NAALADL2: variants seen among roughly 807,000 people sequenced by gnomAD.
NAALADL2 encodes inactive N-acetylated-alpha-linked acidic dipeptidase-like protein 2.
A neutral mutation model predicts 87.2 loss-of-function variants in NAALADL2; 76 were observed. That is an observed-to-expected ratio of 0.87 (90% CI 0.72 to 1.05). The LOEUF (loss-of-function observed/expected upper bound fraction) is 1.05. Among genes scored for constraint, NAALADL2 ranks in the 50% least tolerant of loss-of-function variants. The pLI, the probability that NAALADL2 is intolerant of heterozygous loss-of-function variation, is 0.00. For missense variants in NAALADL2, 1,089 were observed against 945.8 expected (o/e 1.15, Z -1.99); for synonymous variants, 354 against 331.0 (o/e 1.07, Z -0.75).
intron 5 of NAALADL2, among the ~76,000 whole-genome samples, chr3:175,354,383 C>T (rs949733029): frequency 2.6e-5 from 4 of 152,100 alleles, no homozygotes; most frequent in South Asian, 2.1e-4. Context: ...TATAAACTTA[C>T]AACTGATAGC....
chr3:175,756,069 A>G (rs1747229892), intron 13 of NAALADL2, among the ~76,000 whole-genome samples: 1 of 152,160 alleles, frequency 6.6e-6, no homozygotes, highest in Non-Finnish European at 1.5e-5. Context: ...TTAAAAGATT[A>G]TGGTACCCAT....
At chr3:175,463,550 G>C in intron 7 of NAALADL2, 57 bp downstream of exon 7, 1 of 929,654 alleles carries the variant, frequency 1.1e-6, no homozygotes, top group Non-Finnish European at 1.6e-6. Flanking sequence ...ACAAGGAAAT[G>C]CTCTGTAATA....
chr3:175,592,341 C>T (rs192143214), intron 10 of NAALADL2, among the ~76,000 whole-genome samples: 1 of 134,696 alleles, frequency 7.4e-6, no homozygotes, highest in African/African-American at 3.0e-5. Context: ...TACTCTATTG[C>T]TGAGTTCAAT....
At chr3:175,672,069 T>C (rs12107747) in intron 11 of NAALADL2, among the ~76,000 whole-genome samples, 33,552 of 152,018 alleles carry the variant, frequency 0.22, 8,011 homozygotes, top group African/African-American at 0.6. Context: ...TGGAACACTG[T>C]TATTTCAGGA....
intron 5 of NAALADL2, among the ~76,000 whole-genome samples, chr3:175,343,230 T>C (rs1762747679): frequency 6.6e-6 from 1 of 152,064 alleles, no homozygotes; most frequent in South Asian, 2.1e-4. Context: ...TGGTAATTTT[T>C]CTTAACAAAC....
intron 10 of NAALADL2, among the ~76,000 whole-genome samples, chr3:175,607,478 T>C (rs781555392): frequency 2.0e-5 from 3 of 152,174 alleles, no homozygotes; most frequent in Non-Finnish European, 4.4e-5. Context: ...TAGATTTACA[T>C]ATACACCATA....
intron 5 of NAALADL2, among the ~76,000 whole-genome samples, chr3:175,371,469 G>A (rs1766492345): frequency 6.6e-6 from 1 of 151,912 alleles, no homozygotes; most frequent in Admixed American, 6.6e-5. Context: ...GGGTTTCACC[G>A]TGTTAGTCAA....
At chr3:175,532,390 T>A (rs944403347) in intron 9 of NAALADL2, among the ~76,000 whole-genome samples, 1 of 152,192 alleles carries the variant, frequency 6.6e-6, no homozygotes, top group African/African-American at 2.4e-5. Flanking sequence ...GTCAGTAGTG[T>A]AGTGCAGTCC....
intron 9 of NAALADL2, among the ~76,000 whole-genome samples, chr3:175,489,430 G>A (rs1016698702): frequency 6.6e-6 from 1 of 152,138 alleles, no homozygotes; most frequent in Non-Finnish European, 1.5e-5. Context: ...AGAAAGGGGA[G>A]GAAATGCCAC....
intron 2 of NAALADL2, among the ~76,000 whole-genome samples, chr3:174,627,535 A>C (rs1005790676): frequency 1.3e-5 from 2 of 152,218 alleles, no homozygotes; most frequent in Non-Finnish European, 2.9e-5. Context: ...AGAGTTTTCA[A>C]AGAACTAAAA....
At chr3:175,257,782 A>G (rs911547224) in intron 4 of NAALADL2, among the ~76,000 whole-genome samples, 1 of 152,182 alleles carries the variant, frequency 6.6e-6, no homozygotes, top group African/African-American at 2.4e-5. Flanking sequence ...ATCAAAAAAA[A>G]GATCAAGAGA....
intron 9 of NAALADL2, among the ~76,000 whole-genome samples, chr3:175,491,927 A>G (rs1186886071): frequency 6.6e-6 from 1 of 152,208 alleles, no homozygotes; most frequent in Non-Finnish European, 1.5e-5. Context: ...TGAAACTCAA[A>G]AAAAGACTCA....
At chr3:175,223,094 CTG>C (rs71626203) in intron 2 of NAALADL2, among the ~76,000 whole-genome samples, 4,995 of 147,526 alleles carry the variant, frequency 0.034, 115 homozygotes, top group African/African-American at 0.075. Context: ...CATAGTTACT[CTG>C]TGTGTGTGTG....
intron 3 of NAALADL2, among the ~76,000 whole-genome samples, chr3:175,255,417 C>G (rs1749765260): frequency 6.6e-6 from 1 of 152,066 alleles, no homozygotes; most frequent in Non-Finnish European, 1.5e-5. Flanking sequence ...AGCTGGTGAT[C>G]TGGATTCTCC....
At chr3:175,088,298 G>T (rs1719437993) in intron 1 of NAALADL2, among the ~76,000 whole-genome samples, 1 of 152,132 alleles carries the variant, frequency 6.6e-6, no homozygotes, top group Non-Finnish European at 1.5e-5. Context: ...GATTTGGGAG[G>T]TTAACATAAT....
At chr3:175,142,731 G>A (rs968177797) in intron 2 of NAALADL2, among the ~76,000 whole-genome samples, 8 of 151,892 alleles carry the variant, frequency 5.3e-5, no homozygotes, top group African/African-American at 9.7e-5. Context: ...TTCTATGCCT[G>A]AGTCTTCATT....
intron 1 of NAALADL2, among the ~76,000 whole-genome samples, chr3:174,446,936 T>C (rs1353318292): frequency 6.6e-6 from 1 of 152,168 alleles, no homozygotes; most frequent in Non-Finnish European, 1.5e-5. Flanking sequence ...TTAAGAAACC[T>C]TGTGGTTCTG....
chr3:175,051,582 GTCTC>G (rs1348932918), intron 1 of NAALADL2, among the ~76,000 whole-genome samples: 1 of 152,208 alleles, frequency 6.6e-6, no homozygotes, highest in East Asian at 1.9e-4. Context: ...CAGCAGAAGA[GTCTC>G]TCGATCAGTT....
chr3:175,465,711 T>C (rs1723909601), intron 7 of NAALADL2, among the ~76,000 whole-genome samples: 1 of 152,122 alleles, frequency 6.6e-6, no homozygotes, highest in African/African-American at 2.4e-5. Flanking sequence ...GACCTCGTGA[T>C]CCACCTGTCT....
Sources: gnomAD v4.1 joint callset for allele counts (sites outside exome capture counted in the v4.1 genomes callset) on GRCh38, gnomAD v4.1.1 for gene constraint, MANE v1.5 for transcripts, NCBI Gene and HGNC (gene_info 2026-07-23, HGNC 2026-07-21) for gene names.